ATP8B3: variants seen among roughly 807,000 people sequenced by gnomAD.
ATP8B3 encodes phospholipid-transporting ATPase IK.
Under a neutral mutation model 140.9 loss-of-function variants are expected in ATP8B3, and 141 were observed. That is an observed-to-expected ratio of 1.00 (90% CI 0.87 to 1.15). ATP8B3 has a LOEUF of 1.15. Ranked by LOEUF, ATP8B3 falls within the 50% of genes most tolerant of loss-of-function variation. The pLI, the probability that ATP8B3 is intolerant of heterozygous loss-of-function variation, is 0.00. For synonymous variants in ATP8B3, 765 were observed against 714.6 expected (o/e 1.07, Z -1.13); for missense variants, 1,874 against 1,740.6 (o/e 1.08, Z -1.36).
intron 10 of ATP8B3, among the ~76,000 whole-genome samples, chr19:1,803,896 CAAA>C (rs56937286): frequency 0.1 from 7,288 of 72,114 alleles, 220 homozygotes; most frequent in African/African-American, 0.19. Context: ...GACTCTGTCT[CAAA>C]AAAAAAAAAA....
At chr19:1,797,425 A>T (rs1039843508) in intron 14 of ATP8B3, among the ~76,000 whole-genome samples, 2 of 152,122 alleles carry the variant, frequency 1.3e-5, no homozygotes, top group Non-Finnish European at 2.9e-5. Context: ...CATCCGTGGG[A>T]CACACTTTGT....
intron 11 of ATP8B3, 81 bp downstream of exon 11, chr19:1,802,406 T>TGGCCC: frequency 4.7e-6 from 2 of 421,058 alleles, no homozygotes; most frequent in Non-Finnish European, 8.8e-6. Context: ...TCCACCCACC[T>TGGCCC]ACCCACCCAC....
intron 15 of ATP8B3, 45 bp downstream of exon 15, chr19:1,796,929 C>A: frequency 6.2e-7 from 1 of 1,612,040 alleles, no homozygotes; most frequent in South Asian, 1.1e-5. Flanking sequence ...GCTCCCCGTG[C>A]CCCGTCCCCC....
At chr19:1,793,065 G>A (rs2068564654) in intron 18 of ATP8B3, among the ~76,000 whole-genome samples, 1 of 150,608 alleles carries the variant, frequency 6.6e-6, no homozygotes, top group South Asian at 2.1e-4. Context: ...CCTTCCCTAT[G>A]CTTTGCACAG....
chr19:1,793,200 C>A (rs1466772003), intron 18 of ATP8B3, among the ~76,000 whole-genome samples: 1 of 151,822 alleles, frequency 6.6e-6, no homozygotes, highest in Admixed American at 6.6e-5. Flanking sequence ...AAGTGATTCT[C>A]CTGTCTCTAC....
rs1368340830 is a variant in ATP8B3, at chr19:1,800,844, T to G, written c.1153-395A>C. 6.6e-6 allele frequency among the ~76,000 whole-genome samples: 1 copy of G among 151,060 alleles called. No homozygotes were observed. On this transcript the variant is annotated intron_variant, in intron 12 of 28. Coordinates refer to ENST00000310127, the MANE Select transcript of ATP8B3 (RefSeq NM_138813.4). The surrounding 1 kb of genome is among the most constrained non-coding windows in gnomAD (Gnocchi z 4.4). ...TTTTTTTTTTTAATTTTTTTTTTTT[T>G]TTGAGACAGAGTCTCGCTCTCTCTC...
Position 1,783,082 on chromosome 19 carries a change from T to G in ATP8B3, c.3849A>C (p.Glu1283Asp). 1.2e-6 allele frequency: 2 copies of G among 1,613,154 alleles called. No homozygotes were observed. Among genetic ancestry groups the G allele is most frequent in the Non-Finnish European group, 1.7e-6 (2 of 1,179,624 alleles). The change falls in exon 29 of 29, where the codon GAA (glutamate) becomes GAC (aspartate). Residue 1283 changes from glutamate to aspartate, a missense_variant. By Grantham distance (45) the Glu-to-Asp change is conservative. Transcript: ENST00000310127. The stretch of plus-strand genomic sequence containing the variant: ...CCTCTTCATCAGATGGGTCTAGGGA[T>G]TCAGATGCTATGTCACTGCTGACCC... ...GPGVSSDIAS[E>D]SLDPSDEEAA...
intron 22 of ATP8B3, 55 bp downstream of exon 22, chr19:1,789,835 C>T (rs1331026224): frequency 1.2e-6 from 2 of 1,600,874 alleles, no homozygotes; most frequent in East Asian, 2.2e-5. Context: ...CCCGCCGCCC[C>T]TCCAGGCCCC....
chr19:1,812,264 A>G lies in ATP8B3; in HGVS notation c.-227T>C, dbSNP rs1044191182. 6 of 149,684 alleles carry G rather than the reference A, an allele frequency of 4.0e-5. No homozygotes were observed. Among genetic ancestry groups the G allele is most frequent in the African/African-American group, 1.2e-4 (5 of 40,970 alleles). 9.3% of individuals were successfully genotyped at this position (149,684 alleles called of 1,614,324 possible). On this transcript the variant is annotated 5_prime_UTR_variant, in exon 1 of 29. Transcript: ENST00000310127. Reference sequence around the variant, plus strand: ...TGGTGGAACCGTTAGCCCGGTGCCAACGGTCCTGAAACGGGGGGCGGGATC... The same window carrying G: ...TGGTGGAACCGTTAGCCCGGTGCCAGCGGTCCTGAAACGGGGGGCGGGATC...
Position 1,812,170 on chromosome 19 carries a change from A to C in ATP8B3, c.-149+16T>G, listed in dbSNP as rs1011201304. 4.4e-5 allele frequency: 7 copies of C among 160,846 alleles called. No homozygotes were observed. Among genetic ancestry groups the C allele is most frequent in the Non-Finnish European group, 9.4e-5 (7 of 74,150 alleles). The allele number at this position is 160,846 out of a possible 1,614,324, so 10.0% of individuals were successfully genotyped here. A position where few individuals can be genotyped will look rare whatever the true frequency, so the allele number is the denominator to read the frequency against. ...GCTCCCGGGGACGCACAGCAGTGGGAGCACCCGCCGCTCACCGGCGCAGGA... is the reference window on the plus strand; with the variant it reads ...GCTCCCGGGGACGCACAGCAGTGGGCGCACCCGCCGCTCACCGGCGCAGGA... On this transcript the variant is annotated intron_variant, in intron 1 of 28. Coordinates refer to ENST00000310127, the MANE Select transcript of ATP8B3 (RefSeq NM_138813.4).
In ATP8B3 at chr19:1,790,738, C is replaced by T. The variant is rs199632977; in HGVS notation, c.2378+19G>A. ...CCTCCCCACTCCCCTTGCTCACCCC[C>T]CAACTCCCCACTTCTTACCTAATCT... On this transcript the variant is annotated intron_variant, in intron 21 of 28. Coordinates refer to ENST00000310127, the MANE Select transcript of ATP8B3 (RefSeq NM_138813.4). 8,269 of 1,584,548 alleles carry T rather than the reference C, an allele frequency of 5.2e-3. 37 individuals carry two copies. The highest frequency in any genetic ancestry group is 0.01 in the South Asian group (880 of 86,532).
Position 1,806,794 on chromosome 19 carries a change from C to A in ATP8B3, c.616-105G>T. On this transcript the variant is annotated intron_variant, in intron 6 of 28. Transcript: ENST00000310127. The surrounding 1 kb of genome is among the most constrained non-coding windows in gnomAD (Gnocchi z 5.6). ...GCAGTGCCCGCCCGCAACACGGGGT[C>A]CCTGTCCGCTGGCCCCACGCCACGT... is the stretch of plus-strand genomic sequence containing the variant. 1.6e-6 allele frequency: 2 copies of A among 1,285,310 alleles called. No homozygotes were observed. Among genetic ancestry groups the A allele is most frequent in the South Asian group, 2.6e-5 (2 of 77,228 alleles). 79.6% of individuals were successfully genotyped at this position (1,285,310 alleles called of 1,614,324 possible).
chr19:1,796,738 C>T lies in ATP8B3; in HGVS notation c.1726G>A (p.Val576Met), dbSNP rs756847731. 4 of 1,611,828 alleles carry T rather than the reference C, an allele frequency of 2.5e-6. No homozygotes were observed. Among genetic ancestry groups the T allele is most frequent in the Non-Finnish European group, 2.5e-6 (3 of 1,179,566 alleles). ...GGGCGCTCACGGGGGCTCTCCCGCACCATCACCGTGTGGCAGATGGCCAGC... is the reference window on the plus strand; with the variant it reads ...GGGCGCTCACGGGGGCTCTCCCGCATCATCACCGTGTGGCAGATGGCCAGC... Reference protein sequence around the residue: ...RLLAICHTVMVRESPRERPDQ... With the variant: ...RLLAICHTVMMRESPRERPDQ... Residue 576 changes from valine (V) to methionine (M), a missense_variant, in exon 16 of 29, where the codon GTG becomes ATG. Around this residue, in one of 3 missense-constraint regions of ATP8B3, gnomAD observed 1,032 missense variants for 963.6 expected, o/e 1.07. Transcript: ENST00000310127.
At chr19:1,786,872 G>A (rs1392089252) in intron 25 of ATP8B3, among the ~76,000 whole-genome samples, 1 of 152,190 alleles carries the variant, frequency 6.6e-6, no homozygotes, top group African/African-American at 2.4e-5. Flanking sequence ...CTCCAGCACA[G>A]GGTGGGGGCT....
Position 1,794,001 on chromosome 19 carries a change from A to G in ATP8B3, c.2056-1866T>C, listed in dbSNP as rs1227613771. On this transcript the variant is annotated intron_variant, in intron 18 of 28. Transcript: ENST00000310127. The surrounding 1 kb of genome is among the most constrained non-coding windows in gnomAD (Gnocchi z 4.8). Reference sequence around the variant, plus strand: ...AAATGATCTGCCCGCCTCCCAAAGCACTGGGATTACAGGCGTGAGCCATCG... The same window carrying G: ...AAATGATCTGCCCGCCTCCCAAAGCGCTGGGATTACAGGCGTGAGCCATCG... Among the ~76,000 whole-genome samples the G allele has an allele frequency of 5.3e-5, 8 of 151,262 alleles. No individual in the cohort carries two copies. Among genetic ancestry groups the G allele is most frequent in the Non-Finnish European group, 8.8e-5 (6 of 67,912 alleles).
intron 21 of ATP8B3, among the ~76,000 whole-genome samples, 162 bp downstream of exon 21, chr19:1,790,595 A>C (rs1383608075): frequency 7.6e-5 from 2 of 26,180 alleles, no homozygotes. Flanking sequence ...AGCTCCCTCC[A>C]CTCCCCATTA....
In ATP8B3 at chr19:1,783,225, C is replaced by T. The variant is rs921415022; in HGVS notation, c.3706G>A (p.Glu1236Lys). 3 of 1,611,688 alleles carry T rather than the reference C, an allele frequency of 1.9e-6. No individual in the cohort carries two copies. Among genetic ancestry groups the T allele is most frequent in the South Asian group, 2.2e-5 (2 of 90,732 alleles). Residue 1236 changes from glutamate (E) to lysine (K), a missense_variant, in exon 29 of 29, where the codon GAG becomes AAG. Around this residue, in one of 3 missense-constraint regions of ATP8B3, gnomAD observed 840 missense variants for 760.9 expected, o/e 1.10. Coordinates refer to ENST00000310127, the MANE Select transcript of ATP8B3 (RefSeq NM_138813.4). ...EGPSEEIFTM[E>K]PLPHVHRESR... ...TCCCGGTGTACATGAGGCAAGGGCT[C>T]CATGGTGAAAATCTCCTCGCTGGGG... is the stretch of plus-strand genomic sequence containing the variant.
intron 25 of ATP8B3, 23 bp from the exon 26 acceptor site, chr19:1,785,731 G>C: frequency 7.4e-7 from 1 of 1,354,534 alleles, no homozygotes; most frequent in Non-Finnish European, 9.9e-7. Flanking sequence ...AGAAGCTCTT[G>C]GGATTGGGTG....
rs1032129378 is a variant in ATP8B3, at chr19:1,789,802, T to C, written c.2479-75A>G. 21 of 1,572,910 alleles carry C rather than the reference T, an allele frequency of 1.3e-5. No individual in the cohort carries two copies. The African/African-American group carries it at 1.8e-4, about 13-fold the overall frequency. On this transcript the variant is annotated intron_variant, in intron 22 of 28. Transcript: ENST00000310127. ...ACTGGACCCTACCCGGCCCTCGGCC[T>C]CGCCAGCAGTCCCCACCCCGAGCCC...
Sources: gnomAD v4.1 joint callset for allele counts (sites outside exome capture counted in the v4.1 genomes callset) on GRCh38, gnomAD v4.1.1 for gene constraint, gnomAD v4.1.1 regional missense constraint, Gnocchi (gnomAD v3.1) non-coding constraint, MANE v1.5 for transcripts, NCBI Gene and HGNC (gene_info 2026-07-23, HGNC 2026-07-21) for gene names.